Variants in DPH6 observed in about 807,000 individuals in gnomAD.
DPH6 encodes the protein diphthamine biosynthesis 6, also known as diphthine--ammonia ligase.
Under a neutral mutation model 38.2 loss-of-function variants are expected in DPH6, and 33 were observed. The ratio of observed to expected loss-of-function variants is 0.86; its 90% confidence interval spans 0.65 to 1.15. DPH6 has a LOEUF of 1.15. Among genes scored for constraint, DPH6 ranks in the 50% most tolerant of loss-of-function variants. The pLI is 0.00. For missense variants in DPH6, 325 were observed against 320.0 expected, an observed-to-expected ratio of 1.02 and a Z score of -0.12; for synonymous variants, 108 against 103.0, an observed-to-expected ratio of 1.05 and a Z score of -0.30.
chr15:35,431,816 C>T (rs1421294015), intron 5 of DPH6, among the ~76,000 whole-genome samples: 1 of 151,904 alleles, frequency 6.6e-6, no homozygotes, highest in Non-Finnish European at 1.5e-5. Context: ...GAGATGGAGT[C>T]TCGCTCTGTC....
At chr15:35,230,945 G>T (rs1157249073) in intron 3 of DPH6, among the ~76,000 whole-genome samples, 1 of 152,168 alleles carries the variant, frequency 6.6e-6, no homozygotes, top group East Asian at 1.9e-4. Context: ...GTCTCTATTG[G>T]ATCTGTGAGC....
intron 3 of DPH6, among the ~76,000 whole-genome samples, chr15:35,290,349 G>A (rs536391919): frequency 6.6e-6 from 1 of 152,282 alleles, no homozygotes; most frequent in South Asian, 2.1e-4. Context: ...AAGGCACTGG[G>A]CACACCCTGC....
At chr15:35,270,252 A>G (rs907004189) in intron 3 of DPH6, among the ~76,000 whole-genome samples, 5 of 152,262 alleles carry the variant, frequency 3.3e-5, no homozygotes, top group Non-Finnish European at 7.3e-5. Context: ...AAGAAAGGAA[A>G]TAAAAGATTA....
intron 3 of DPH6, among the ~76,000 whole-genome samples, chr15:35,532,176 A>G (rs1177309349): frequency 1.3e-5 from 2 of 152,230 alleles, no homozygotes; most frequent in Admixed American, 6.5e-5. Flanking sequence ...CTTGTGTGAG[A>G]ATAGCAGGAT....
chr15:35,204,783 AGAAAT>A, the DPH6 span, among the ~76,000 whole-genome samples: 1 of 151,938 alleles, frequency 6.6e-6, no homozygotes, highest in Non-Finnish European at 1.5e-5. Context: ...ATAATAGGGG[AGAAAT>A]GAAATCTTCC....
the DPH6 span, among the ~76,000 whole-genome samples, chr15:35,160,017 A>G: frequency 6.6e-6 from 1 of 152,064 alleles, no homozygotes; most frequent in African/African-American, 2.4e-5. Context: ...GGACACAAAG[A>G]TGGAAACAAT....
chr15:35,149,878 A>G, the DPH6 span, among the ~76,000 whole-genome samples: 1 of 152,250 alleles, frequency 6.6e-6, no homozygotes, highest in Non-Finnish European at 1.5e-5. Context: ...CTAGAGGTGC[A>G]TAAAAGAATT....
intron 3 of DPH6, among the ~76,000 whole-genome samples, chr15:35,501,652 T>C (rs1459232343): frequency 1.3e-5 from 2 of 152,146 alleles, no homozygotes; most frequent in African/African-American, 4.8e-5. Context: ...ACTAAAAAGT[T>C]AACCATAAAA....
chr15:35,543,491 A>G (rs2055297289), intron 1 of DPH6, among the ~76,000 whole-genome samples: 1 of 151,756 alleles, frequency 6.6e-6, no homozygotes, highest in Non-Finnish European at 1.5e-5. Flanking sequence ...AATTCCCACT[A>G]TCATTTATCA....
intron 3 of DPH6, among the ~76,000 whole-genome samples, chr15:35,250,697 A>G (rs35499779): frequency 0.031 from 4,779 of 152,260 alleles, 120 homozygotes; most frequent in Non-Finnish European, 0.048. Context: ...TATGAAGACA[A>G]ACAAGATCTA....
At chr15:35,369,196 G>A (rs998443583), downstream of DPH6, among the ~76,000 whole-genome samples, 1 of 151,638 alleles carries the variant, frequency 6.6e-6, no homozygotes, top group African/African-American at 2.4e-5. Context: ...AATGAAAAAA[G>A]GCCAACAGCA....
the DPH6 span, among the ~76,000 whole-genome samples, chr15:35,191,597 A>G: frequency 1.3e-5 from 2 of 151,990 alleles, no homozygotes; most frequent in Non-Finnish European, 2.9e-5. Context: ...CCTTCCTGAC[A>G]CTCTCCCCAC....
chr15:35,351,790 T>C (rs1040096413), intron 3 of DPH6, among the ~76,000 whole-genome samples: 1 of 151,650 alleles, frequency 6.6e-6, no homozygotes, highest in Non-Finnish European at 1.5e-5. Context: ...GGTGCAATTA[T>C]GGCTCACTGC....
intron 3 of DPH6, among the ~76,000 whole-genome samples, chr15:35,360,647 G>T (rs1054510551): frequency 2.0e-5 from 3 of 152,198 alleles, no homozygotes; most frequent in Admixed American, 2.0e-4. Flanking sequence ...ACCAGTTCAA[G>T]GTCTATAGCC....
rs184473817 is a variant in DPH6 at position 35,476,849 on chromosome 15, T to C, written c.313-22029A>G. Among the ~76,000 whole-genome samples, 6 of 151,968 alleles carry C rather than the reference T, an allele frequency of 3.9e-5. No homozygotes were observed. The East Asian group carries it at 9.6e-4, about 24-fold the overall frequency. On this transcript the variant is annotated intron_variant, in intron 3 of 8. Coordinates refer to ENST00000256538, the MANE Select transcript of DPH6 (RefSeq NM_080650.4). The stretch of plus-strand genomic sequence containing the variant: ...AAATACAAAGTTATAGAATAGTAAA[T>C]GTTAAGAAAAATAATCTATGAAAAA...
intron 3 of DPH6, among the ~76,000 whole-genome samples, chr15:35,227,633 TTTCTG>T (rs1379539983): frequency 5.3e-5 from 8 of 152,232 alleles, no homozygotes; most frequent in African/African-American, 1.9e-4. Flanking sequence ...AAATCATGTA[TTTCTG>T]TTCTGATTTT....
intron 3 of DPH6, among the ~76,000 whole-genome samples, chr15:35,533,939 G>A (rs1028745431): frequency 6.6e-6 from 1 of 152,018 alleles, no homozygotes; most frequent in Non-Finnish European, 1.5e-5. Context: ...TGAGATGTGA[G>A]GTTGGGAAAA....
At chr15:35,339,481 C>T (rs983107816) in intron 3 of DPH6, among the ~76,000 whole-genome samples, 1 of 152,052 alleles carries the variant, frequency 6.6e-6, no homozygotes, top group Admixed American at 6.5e-5. Context: ...TGTGCCACCA[C>T]ACCTGGCTAA....
chr15:35,537,185 A>T (rs925527739), intron 3 of DPH6, among the ~76,000 whole-genome samples: 2 of 152,154 alleles, frequency 1.3e-5, no homozygotes, highest in Non-Finnish European at 2.9e-5. Flanking sequence ...AAAGTATGTC[A>T]TTTAAGTAGC....
Sources: allele counts gnomAD v4.1 joint callset (sites outside exome capture counted in the v4.1 genomes callset), GRCh38; gene constraint gnomAD v4.1.1; transcripts MANE v1.5; gene names NCBI Gene and HGNC (gene_info 2026-07-23, HGNC 2026-07-21).